PTPRD: variants seen among roughly 807,000 people sequenced by gnomAD.
PTPRD encodes receptor-type tyrosine-protein phosphatase delta.
In PTPRD, 34 loss-of-function variants were observed where a neutral mutation model predicts 214.5. That is an observed-to-expected ratio of 0.16 (90% CI 0.12 to 0.21). PTPRD has a LOEUF of 0.21. Ranked by LOEUF, PTPRD falls within the 10% of genes least tolerant of loss-of-function variation. PTPRD has a pLI of 1.00. For synonymous variants in PTPRD, 1,128 were observed against 845.7 expected (o/e 1.33, Z -5.79); for missense variants, 2,545 against 2,398.7 (o/e 1.06, Z -1.27).
At position 8,554,725 on chromosome 9, in the gene PTPRD, C is replaced by T. The variant is rs1167300004; in HGVS notation, c.353-25946G>A. On this transcript the variant is annotated intron_variant, in intron 14 of 45. Transcript: ENST00000381196. The stretch of plus-strand genomic sequence containing the variant: ...CTGGGATAAGAATTCATTCACTGTC[C>T]AACACGTTTGTTTATTTTGACCTGT... Among the ~76,000 whole-genome samples, 5 of 152,116 alleles carry T rather than the reference C, an allele frequency of 3.3e-5. No homozygotes were observed. In the East Asian group the frequency reaches 7.7e-4, roughly 23 times the overall value.
At chr9:9,409,584 G>A (rs1034456728) in intron 8 of PTPRD, among the ~76,000 whole-genome samples, 1 of 151,850 alleles carries the variant, frequency 6.6e-6, no homozygotes, top group Non-Finnish European at 1.5e-5. Flanking sequence ...AATTTCTACT[G>A]AAAAACAAGT....
chr9:8,338,461 T>TAAAG (rs1453294048), intron 43 of PTPRD, among the ~76,000 whole-genome samples: 7 of 152,116 alleles, frequency 4.6e-5, no homozygotes, highest in Non-Finnish European at 1.5e-5. Flanking sequence ...CAGATTTTTC[T>TAAAG]AAAGAATGCC....
At chr9:10,060,702 CT>C (rs33938426) in intron 3 of PTPRD, among the ~76,000 whole-genome samples, 30,236 of 148,102 alleles carry the variant, frequency 0.2, 8,091 homozygotes, top group African/African-American at 0.63. Context: ...TCACAAAAGG[CT>C]TTTTAAAAAG....
chr9:9,802,421 A>C (rs947545874), intron 5 of PTPRD, among the ~76,000 whole-genome samples: 3 of 151,924 alleles, frequency 2.0e-5, no homozygotes, highest in African/African-American at 7.2e-5. Context: ...ACTACCTTAT[A>C]TTAGGCCATA....
At chr9:8,701,452 T>C (rs2154395367) in intron 12 of PTPRD, 1 of 152,088 alleles carries the variant, frequency 6.6e-6, no homozygotes, top group East Asian at 1.9e-4. Context: ...CTGACCAACA[T>C]GGAGAAACCC....
intron 9 of PTPRD, among the ~76,000 whole-genome samples, chr9:9,218,878 TG>T (rs1265215289): frequency 6.6e-6 from 1 of 152,138 alleles, no homozygotes; most frequent in Non-Finnish European, 1.5e-5. Context: ...GCAACCTCCC[TG>T]GGGCATTGTC....
In PTPRD at chr9:9,796,108, A is replaced by C. The variant is rs181473068; in HGVS notation, c.-367-29257T>G. ...TGATTTCTTTGTTCATTCTAATCAA[A>C]TATTCACTTCCAAACAGAGGCTGTA... is the stretch of plus-strand genomic sequence containing the variant. On this transcript the variant is annotated intron_variant, in intron 5 of 45. Coordinates refer to ENST00000381196, the MANE Select transcript of PTPRD (RefSeq NM_002839.4). Among the ~76,000 whole-genome samples, 41 of 152,240 alleles carry C rather than the reference A, an allele frequency of 2.7e-4. 1 individual carries two copies. The East Asian group carries it at 7.7e-3, about 29-fold the overall frequency.
chr9:8,846,622 T>A (rs930480245), intron 11 of PTPRD, among the ~76,000 whole-genome samples: 2 of 151,974 alleles, frequency 1.3e-5, no homozygotes, highest in Admixed American at 1.3e-4. Flanking sequence ...TTGGGGACAT[T>A]CCAAATGGAA....
At chr9:10,592,474 G>T (rs1436888251) in intron 2 of PTPRD, among the ~76,000 whole-genome samples, 1 of 151,964 alleles carries the variant, frequency 6.6e-6, no homozygotes, top group Non-Finnish European at 1.5e-5. Context: ...AGTATCTCAT[G>T]AATAAAGACT....
chr9:9,158,652 C>A (rs2099883495), intron 10 of PTPRD, among the ~76,000 whole-genome samples: 2 of 152,010 alleles, frequency 1.3e-5, no homozygotes, highest in African/African-American at 2.4e-5. Flanking sequence ...AATTACATTT[C>A]TTCTCAAACC....
At chr9:8,473,655 T>G (rs2096704825) in intron 30 of PTPRD, among the ~76,000 whole-genome samples, 1 of 152,138 alleles carries the variant, frequency 6.6e-6, no homozygotes, top group Non-Finnish European at 1.5e-5. Context: ...TTTCTTCTGC[T>G]TTCATACTTT....
At chr9:9,236,794 A>G (rs1161713849) in intron 9 of PTPRD, among the ~76,000 whole-genome samples, 6 of 152,032 alleles carry the variant, frequency 3.9e-5, no homozygotes, top group African/African-American at 4.8e-5. Flanking sequence ...TGGGACCCCA[A>G]AGAAAATGGC....
At chr9:8,547,301 T>C (rs2080467477) in intron 14 of PTPRD, among the ~76,000 whole-genome samples, 1 of 152,028 alleles carries the variant, frequency 6.6e-6, no homozygotes, top group South Asian at 2.1e-4. Context: ...TATAAAAAAC[T>C]TAATTTAGTA....
At chr9:10,189,385 A>G (rs150167837) in intron 3 of PTPRD, among the ~76,000 whole-genome samples, 130 of 152,298 alleles carry the variant, frequency 8.5e-4, no homozygotes, top group African/African-American at 3.0e-3. Context: ...AGAATTCCTT[A>G]CACGGGGCTA....
chr9:9,649,280 G>A (rs2096274064), intron 7 of PTPRD, among the ~76,000 whole-genome samples: 1 of 152,100 alleles, frequency 6.6e-6, no homozygotes, highest in Admixed American at 6.5e-5. Context: ...ACTGCCTCTA[G>A]AACTCAACAA....
chr9:9,349,416 A>G (rs934860643), intron 9 of PTPRD, among the ~76,000 whole-genome samples: 8 of 152,060 alleles, frequency 5.3e-5, no homozygotes, highest in Admixed American at 1.3e-4. Flanking sequence ...AAACACTGCA[A>G]GCAAGCTTTA....
intron 12 of PTPRD, 106 bp from the exon 13 acceptor site, chr9:8,636,950 C>A: frequency 8.7e-7 from 1 of 1,154,034 alleles, no homozygotes; most frequent in Non-Finnish European, 1.2e-6. Context: ...GCCATCAAGA[C>A]ATACATTTTT....
chr9:10,611,064 G>A (rs2080846186), intron 2 of PTPRD, among the ~76,000 whole-genome samples: 2 of 152,086 alleles, frequency 1.3e-5, no homozygotes, highest in South Asian at 2.1e-4. Context: ...CTGCTTTATT[G>A]AAAGAAATTC....
At chr9:8,704,180 C>A (rs1165570001) in intron 12 of PTPRD, among the ~76,000 whole-genome samples, 2 of 152,134 alleles carry the variant, frequency 1.3e-5, no homozygotes, top group African/African-American at 4.8e-5. Flanking sequence ...GTTTACAGAG[C>A]AGGCAAAGTT....
Sources: allele counts gnomAD v4.1 joint callset (sites outside exome capture counted in the v4.1 genomes callset), GRCh38; gene constraint gnomAD v4.1.1; transcripts MANE v1.5; gene names NCBI Gene and HGNC (gene_info 2026-07-23, HGNC 2026-07-21).